The following GPR89A variants were observed in gnomAD, a reference collection of about 807,000 sequenced individuals.
GPR89A encodes G protein-coupled receptor 89A.
Under a neutral mutation model 52.0 loss-of-function variants are expected in GPR89A, and 16 were observed. That is an observed-to-expected ratio of 0.31 (90% CI 0.21 to 0.47). GPR89A has a LOEUF of 0.47. Among genes scored for constraint, GPR89A ranks in the 20% least tolerant of loss-of-function variants. The probability of loss-of-function intolerance (pLI) is 1.00; values close to 1 mark genes in which losing one functional copy is unlikely to be tolerated. For synonymous variants in GPR89A, 55 were observed against 150.9 expected, an observed-to-expected ratio of 0.36 and a Z score of 4.66; for missense variants, 135 against 449.4, an observed-to-expected ratio of 0.30 and a Z score of 6.33.
intron 10 of GPR89A, among the ~76,000 whole-genome samples, chr1:145,657,007 C>G (rs1435804172): frequency 1.3e-5 from 2 of 151,926 alleles, no homozygotes; most frequent in African/African-American, 4.8e-5. Context: ...GAATATTAAA[C>G]CAATCTTGCA....
chr1:145,636,351 GAA>G (rs1650240827), intron 7 of GPR89A, among the ~76,000 whole-genome samples: 1 of 137,022 alleles, frequency 7.3e-6, no homozygotes, highest in Admixed American at 7.4e-5. Context: ...TAATAAAAAA[GAA>G]AAACTGTTTT....
Position 145,663,332 on chromosome 1 carries a change from A to G in GPR89A, c.913A>G (p.Thr305Ala), listed in dbSNP as rs782385326. The change falls in exon 11 of 14, where the codon ACC becomes GCC. Residue 305 changes from threonine to alanine, a missense_variant. Physicochemically the swap from Thr to Ala is moderately conservative, Grantham distance 58. Coordinates refer to ENST00000313835, the MANE Select transcript of GPR89A (RefSeq NM_001097612.2). ...GTAAAAATCTGCATCTTTGCAGGCT[A>G]CCATCAATATTGTTTTTGATCGAGT... ...IYCVWKIFMA[T>A]INIVFDRVGK... 9 of 1,610,172 alleles carry G rather than the reference A, an allele frequency of 5.6e-6. No individual in the cohort carries two copies. Among genetic ancestry groups the G allele is most frequent in the African/African-American group, 1.3e-5 (1 of 74,636 alleles).
In GPR89A at chr1:145,646,291, G is replaced by A; in HGVS notation, c.816+19G>A. ...TACCAAGGTACAGAGCAAGGAAACT[G>A]AAGTGTGGTTTTTACCAATATTATT... On this transcript the variant is annotated intron_variant, in intron 9 of 13. Coordinates refer to ENST00000313835, the MANE Select transcript of GPR89A (RefSeq NM_001097612.2). The A allele has an allele frequency of 6.3e-6, 10 of 1,578,774 alleles. No individual in the cohort carries two copies. Among genetic ancestry groups the A allele is most frequent in the Non-Finnish European group, 7.8e-6 (9 of 1,156,202 alleles).
At chr1:145,669,559 T>G (rs1450438617) in intron 12 of GPR89A, 66 bp from the exon 13 acceptor site, 1 of 1,557,888 alleles carries the variant, frequency 6.4e-7, no homozygotes, top group African/African-American at 1.4e-5. Context: ...TTAACCATAT[T>G]TCTTACTGTT....
intron 9 of GPR89A, chr1:145,646,941 A>G (rs1336459285): frequency 3.7e-5 from 23 of 625,780 alleles, no homozygotes; most frequent in Non-Finnish European, 5.8e-5. Flanking sequence ...CGTATCTCAT[A>G]AGAATTGTTA....
At chr1:145,664,500 A>AT (rs1189276445) in intron 11 of GPR89A, among the ~76,000 whole-genome samples, 1 of 150,908 alleles carries the variant, frequency 6.6e-6, no homozygotes, top group African/African-American at 2.4e-5. Flanking sequence ...AAATATAAAA[A>AT]TTAGCTGGAC....
At chr1:145,658,935 G>A (rs1406584755) in intron 10 of GPR89A, among the ~76,000 whole-genome samples, 1 of 151,288 alleles carries the variant, frequency 6.6e-6, no homozygotes, top group Non-Finnish European at 1.5e-5. Context: ...GTACCACCAC[G>A]CCTGGCTGAT....
intron 10 of GPR89A, among the ~76,000 whole-genome samples, chr1:145,650,321 C>G (rs1651360834): frequency 6.6e-6 from 1 of 150,380 alleles, no homozygotes; most frequent in Non-Finnish European, 1.5e-5. Flanking sequence ...GATCTCATTC[C>G]TTTTTATGGC....
chr1:145,628,064 T>G (rs1553689250), intron 5 of GPR89A, among the ~76,000 whole-genome samples: 1 of 150,972 alleles, frequency 6.6e-6, no homozygotes, highest in Admixed American at 6.6e-5. Flanking sequence ...TTGAGTTACT[T>G]ATGCATATCC....
At position 145,608,447 on chromosome 1, in the gene GPR89A, A is replaced by T. The variant is rs781785005; in HGVS notation, c.42+272A>T. The T allele has an allele frequency of 1.7e-5, 11 of 631,826 alleles. 1 individual carries two copies. The South Asian group carries it at 2.0e-4, about 11-fold the overall frequency. The allele number at this position is 631,826 out of a possible 1,614,324, so 39.1% of individuals were successfully genotyped here. A position where few individuals can be genotyped will look rare whatever the true frequency, so the allele number is the denominator to read the frequency against. The stretch of plus-strand genomic sequence containing the variant: ...TTTTGGAAGCGGTCCGCCGACCTCC[A>T]GGCTAAGAGCCGGCGCCGCCAGCTA... On this transcript the variant is annotated intron_variant, in intron 1 of 13. Transcript: ENST00000313835.
chr1:145,616,177 A>G (rs1648675967), intron 1 of GPR89A, 57 bp from the exon 2 acceptor site: 4 of 1,297,306 alleles, frequency 3.1e-6, no homozygotes, highest in Middle Eastern at 1.9e-4. Flanking sequence ...AAGAGTTTCT[A>G]TAAAACATTT....
Position 145,608,016 on chromosome 1 carries a change from C to T in GPR89A, c.-118C>T, listed in dbSNP as rs1158891392. 42 of 1,196,640 alleles carry T rather than the reference C, an allele frequency of 3.5e-5. No individual in the cohort carries two copies. The African/African-American group carries it at 3.7e-4, about 11-fold the overall frequency. 74.1% of individuals were successfully genotyped at this position (1,196,640 alleles called of 1,614,324 possible). A position where few individuals can be genotyped will look rare whatever the true frequency, so the allele number is the denominator to read the frequency against. On this transcript the variant is annotated 5_prime_UTR_variant, in exon 1 of 14. Transcript: ENST00000313835. ...GCTTGATGGCGTCGGGCTGGAGAGC[C>T]GCAGTCCCGGCTGCAGCACCTGGGA...
chr1:145,649,595 A>G (rs1651308751), intron 10 of GPR89A, among the ~76,000 whole-genome samples: 1 of 152,076 alleles, frequency 6.6e-6, no homozygotes, highest in Non-Finnish European at 1.5e-5. Flanking sequence ...TATTACAGAT[A>G]AAGTTGCTGT....
At position 145,670,605 on chromosome 1, in the gene GPR89A, C is replaced by G. The variant is rs1180247315; in HGVS notation, c.*565C>G. The G allele has an allele frequency of 5.7e-6, 1 of 176,612 alleles. No homozygotes were observed. The highest frequency in any genetic ancestry group is 2.4e-5 in the African/African-American group (1 of 41,552). The allele number at this position is 176,612 out of a possible 1,614,324, so 10.9% of individuals were successfully genotyped here. On this transcript the variant is annotated 3_prime_UTR_variant, in exon 14 of 14. Transcript: ENST00000313835. Reference sequence around the variant, plus strand: ...AAGAAAGAGGTTATCTGTTCTTTTCCGGGAAAGGGGTGGTATGCACCTGAA... The same window carrying G: ...AAGAAAGAGGTTATCTGTTCTTTTCGGGGAAAGGGGTGGTATGCACCTGAA...
At chr1:145,667,212 A>C (rs1478132523) in intron 12 of GPR89A, among the ~76,000 whole-genome samples, 7 of 152,148 alleles carry the variant, frequency 4.6e-5, no homozygotes, top group African/African-American at 1.7e-4. Flanking sequence ...ACAGTGTAAA[A>C]GTGTTCCTGT....
At chr1:145,654,913 C>T (rs1281526425) in intron 10 of GPR89A, among the ~76,000 whole-genome samples, 1 of 151,484 alleles carries the variant, frequency 6.6e-6, no homozygotes, top group Non-Finnish European at 1.5e-5. Flanking sequence ...CCGTTCTCCC[C>T]GTCTCTTCCA....
intron 5 of GPR89A, among the ~76,000 whole-genome samples, chr1:145,626,227 C>T (rs1649487028): frequency 6.6e-6 from 1 of 151,082 alleles, no homozygotes; most frequent in South Asian, 2.1e-4. Flanking sequence ...GGGCTGCTGA[C>T]AGGGCAAATA....
chr1:145,626,170 T>G (rs1266687805), intron 5 of GPR89A, among the ~76,000 whole-genome samples: 6 of 150,688 alleles, frequency 4.0e-5, no homozygotes, highest in Non-Finnish European at 8.8e-5. Flanking sequence ...CAGACACATT[T>G]ATCTGTGACG....
intron 7 of GPR89A, among the ~76,000 whole-genome samples, chr1:145,632,475 C>T (rs1338681544): frequency 1.3e-5 from 2 of 151,980 alleles, no homozygotes; most frequent in African/African-American, 4.8e-5. Flanking sequence ...TTTTAGATTC[C>T]ACATATAAGT....
Sources: gnomAD v4.1 joint callset for allele counts (sites outside exome capture counted in the v4.1 genomes callset) on GRCh38, gnomAD v4.1.1 for gene constraint, MANE v1.5 for transcripts, NCBI Gene and HGNC (gene_info 2026-07-23, HGNC 2026-07-21) for gene names.